Variants in PRKCE observed in about 807,000 individuals in gnomAD.
PRKCE encodes the protein protein kinase C epsilon.
Under a neutral mutation model 85.4 loss-of-function variants are expected in PRKCE, and 16 were observed. The ratio of observed to expected loss-of-function variants is 0.19; its 90% CI spans 0.13 to 0.28. The LOEUF (loss-of-function observed/expected upper bound fraction) is 0.28. Among genes scored for constraint, PRKCE ranks in the 10% least tolerant of loss-of-function variants. The probability of loss-of-function intolerance (pLI) is 1.00; values close to 1 mark genes in which losing one functional copy is unlikely to be tolerated. For synonymous variants in PRKCE, 388 were observed against 371.5 expected, an observed-to-expected ratio of 1.04 and a Z score of -0.51; for missense variants, 573 against 975.2, an observed-to-expected ratio of 0.59 and a Z score of 5.49.
chr2:45,950,318 T>A (rs1405572766), intron 2 of PRKCE, among the ~76,000 whole-genome samples: 2 of 152,224 alleles, frequency 1.3e-5, no homozygotes, highest in Non-Finnish European at 2.9e-5. Context: ...GATCACTGCT[T>A]TATACACCAG....
intron 10 of PRKCE, among the ~76,000 whole-genome samples, chr2:46,012,316 T>C (rs1030798373): frequency 2.6e-5 from 4 of 151,854 alleles, no homozygotes; most frequent in African/African-American, 7.3e-5. Context: ...TTTTTTTTTT[T>C]CTTTTCTTTC....
At chr2:45,842,727 C>G (rs1173799713) in intron 1 of PRKCE, among the ~76,000 whole-genome samples, 1 of 152,192 alleles carries the variant, frequency 6.6e-6, no homozygotes, top group Non-Finnish European at 1.5e-5. Context: ...CTCTCTCTCT[C>G]CAATCATGGC....
intron 1 of PRKCE, chr2:45,675,315 T>C (rs556650): frequency 0.79 from 119,484 of 152,196 alleles, 46,925 homozygotes; most frequent in Middle Eastern, 0.83. Context: ...CTCACCTTTT[T>C]CTCCAGTGAA....
intron 11 of PRKCE, among the ~76,000 whole-genome samples, chr2:46,124,346 A>G (rs528653999): frequency 6.6e-6 from 1 of 152,302 alleles, no homozygotes; most frequent in African/African-American, 2.4e-5. Context: ...AAAGAGAGAT[A>G]CTAGTGTTGA....
At chr2:45,964,188 C>T (rs912646705) in intron 2 of PRKCE, among the ~76,000 whole-genome samples, 4 of 152,212 alleles carry the variant, frequency 2.6e-5, no homozygotes, top group African/African-American at 7.2e-5. Flanking sequence ...GGCACATTCA[C>T]ACCCTTTCCA....
chr2:46,142,844 G>A (rs1173852386), intron 11 of PRKCE, among the ~76,000 whole-genome samples: 1 of 152,222 alleles, frequency 6.6e-6, no homozygotes, highest in Non-Finnish European at 1.5e-5. Context: ...GGTTCAAGCT[G>A]GCTTGGAATC....
chr2:45,809,089 T>C (rs894150401), intron 1 of PRKCE, among the ~76,000 whole-genome samples: 8 of 152,196 alleles, frequency 5.3e-5, no homozygotes, highest in Non-Finnish European at 1.2e-4. Context: ...GGGAAGGGCC[T>C]TGGGCTTGGT....
At chr2:45,939,939 C>T (rs978817759) in intron 2 of PRKCE, among the ~76,000 whole-genome samples, 4 of 152,208 alleles carry the variant, frequency 2.6e-5, no homozygotes, top group African/African-American at 9.7e-5. Context: ...CCCAGCCCCT[C>T]ACCATACTGG....
intron 1 of PRKCE, among the ~76,000 whole-genome samples, chr2:45,729,022 T>C (rs1046979201): frequency 6.6e-6 from 1 of 152,194 alleles, no homozygotes; most frequent in African/African-American, 2.4e-5. Flanking sequence ...TCCCATCGTC[T>C]TTCTTTTTCA....
At chr2:46,140,947 A>G (rs759014383) in intron 11 of PRKCE, among the ~76,000 whole-genome samples, 3 of 152,202 alleles carry the variant, frequency 2.0e-5, no homozygotes, top group Non-Finnish European at 4.4e-5. Context: ...TAATAATATA[A>G]TGAGATACTG....
At chr2:46,174,943 G>A (rs979536030) in intron 14 of PRKCE, among the ~76,000 whole-genome samples, 1 of 151,924 alleles carries the variant, frequency 6.6e-6, no homozygotes, top group Non-Finnish European at 1.5e-5. Flanking sequence ...CACCTACCTT[G>A]TCCACCAGAA....
At chr2:45,681,014 A>C (rs1676845702) in intron 1 of PRKCE, among the ~76,000 whole-genome samples, 1 of 152,136 alleles carries the variant, frequency 6.6e-6, no homozygotes, top group African/African-American at 2.4e-5. Context: ...TTTTGGGCTG[A>C]GTGCGGTGGC....
At chr2:45,872,186 G>A (rs1271747326) in intron 2 of PRKCE, among the ~76,000 whole-genome samples, 5 of 152,174 alleles carry the variant, frequency 3.3e-5, no homozygotes, top group African/African-American at 1.2e-4. Flanking sequence ...ATGCTGGGAT[G>A]TTAGGGGAAC....
intron 10 of PRKCE, among the ~76,000 whole-genome samples, chr2:46,016,015 G>A (rs139983282): frequency 1.3e-5 from 2 of 152,320 alleles, no homozygotes; most frequent in Admixed American, 6.5e-5. Flanking sequence ...TCAGTAATTT[G>A]CAATGGATTT....
At chr2:46,127,297 A>G (rs1213155620) in intron 11 of PRKCE, among the ~76,000 whole-genome samples, 1 of 152,214 alleles carries the variant, frequency 6.6e-6, no homozygotes, top group Non-Finnish European at 1.5e-5. Context: ...TCCAGGTTTT[A>G]GTAATATGTT....
chr2:45,755,056 T>G (rs1205114097), intron 1 of PRKCE, among the ~76,000 whole-genome samples: 3 of 152,182 alleles, frequency 2.0e-5, no homozygotes, highest in Admixed American at 2.0e-4. Flanking sequence ...AAGGAGGGCC[T>G]GGAGGCGAGG....
At chr2:46,120,914 C>T (rs1290895239) in intron 11 of PRKCE, among the ~76,000 whole-genome samples, 1 of 152,138 alleles carries the variant, frequency 6.6e-6, no homozygotes, top group Non-Finnish European at 1.5e-5. Context: ...GTATTAATAT[C>T]AGTTTTCCAC....
At chr2:46,029,678 C>T (rs954957405) in intron 10 of PRKCE, among the ~76,000 whole-genome samples, 8 of 128,642 alleles carry the variant, frequency 6.2e-5, no homozygotes, top group Non-Finnish European at 1.1e-4. Flanking sequence ...GGTTTGTCGT[C>T]GTATGGGTTT....
chr2:45,861,101 C>T (rs1197825504), intron 2 of PRKCE, among the ~76,000 whole-genome samples: 1 of 152,140 alleles, frequency 6.6e-6, no homozygotes, highest in African/African-American at 2.4e-5. Context: ...AATCAGAACT[C>T]AAGTGGGGAG....
Sources: allele counts gnomAD v4.1 joint callset (sites outside exome capture counted in the v4.1 genomes callset), GRCh38; gene constraint gnomAD v4.1.1; transcripts MANE v1.5; gene names NCBI Gene and HGNC (gene_info 2026-07-23, HGNC 2026-07-21).